NCOA2: variants seen among roughly 807,000 people sequenced by gnomAD.
The protein encoded by NCOA2 is class E basic helix-loop-helix protein 75.
NCOA2 carries 21 observed loss-of-function variants against 145.1 expected under a neutral mutation model. That is an observed-to-expected ratio of 0.14 (90% confidence interval 0.10 to 0.21). NCOA2 has a LOEUF of 0.21. Among genes scored for constraint, NCOA2 ranks in the 10% least tolerant of loss-of-function variants. NCOA2 has a pLI of 1.00. For missense variants in NCOA2, 1,472 were observed against 1,837.6 expected (o/e 0.80, Z 3.64); for synonymous variants, 619 against 637.5 (o/e 0.97, Z 0.44).
At chr8:70,454,062 T>G in the NCOA2 span, among the ~76,000 whole-genome samples, 2 of 152,220 alleles carry the variant, frequency 1.3e-5, no homozygotes, top group African/African-American at 4.8e-5. Context: ...TGGTGCCCAT[T>G]GACTAAGCCT....
intron 14 of NCOA2, among the ~76,000 whole-genome samples, chr8:70,139,640 C>T (rs936901707): frequency 2.1e-5 from 3 of 145,688 alleles, no homozygotes; most frequent in African/African-American, 7.8e-5. Flanking sequence ...ACAACGCTGG[C>T]CATCTTTTTT....
Position 70,141,317 on chromosome 8 carries a change from A to G in NCOA2, c.2895T>C (p.Cys965=), listed in dbSNP as rs1810393743. 1.2e-6 allele frequency: 2 copies of G among 1,613,852 alleles called. No homozygotes were observed. The highest frequency in any genetic ancestry group is 1.7e-6 in the Non-Finnish European group (2 of 1,179,898). Residue 965 remains cysteine, a synonymous_variant, in exon 14 of 23, where the codon TGT becomes TGC. Coordinates refer to ENST00000452400, the MANE Select transcript of NCOA2 (RefSeq NM_006540.4). ...APQSSAVRVT[C]AATTSAMNRP... ...GGTTCATGGCACTGGTGGTAGCAGC[A>G]CAGGTGACTCTCACAGCCGAACTCT... is the stretch of plus-strand genomic sequence containing the variant.
Position 70,159,243 on chromosome 8 carries a change from T to TATATATATATATATATATATATATATA in NCOA2, c.1124+261_1124+262insTATATATATATATATATATATATATAT, listed in dbSNP as rs869045939. Among the ~76,000 whole-genome samples, 12 of 82,058 alleles carry TATATATATATATATATATATATATATA rather than the reference T, an allele frequency of 1.5e-4. 4 individuals carry two copies. The highest frequency in any genetic ancestry group is 2.1e-4 in the Non-Finnish European group (9 of 43,310). 53.8% of individuals were successfully genotyped at this position (82,058 alleles called of 152,430 possible). On this transcript the variant is annotated intron_variant, in intron 10 of 22. Coordinates refer to ENST00000452400, the MANE Select transcript of NCOA2 (RefSeq NM_006540.4). ...AACATTATATATATATATATATATA[T>TATATATATATATATATATATATATATA]TTTTTTTTTTTTCCCCCAAATATTT...
chr8:70,423,196 G>GTTTTC, the NCOA2 span, among the ~76,000 whole-genome samples: 1 of 151,682 alleles, frequency 6.6e-6, no homozygotes, highest in Non-Finnish European at 1.5e-5. Context: ...GTTTTGTTTT[G>GTTTTC]TTTTGAGACA....
chr8:70,422,262 A>G, the NCOA2 span, among the ~76,000 whole-genome samples: 1 of 152,154 alleles, frequency 6.6e-6, no homozygotes. Context: ...AGATTCCTCT[A>G]AGAGAGTAAA....
chr8:70,267,084 A>G (rs1246434289), intron 2 of NCOA2, among the ~76,000 whole-genome samples: 1 of 152,200 alleles, frequency 6.6e-6, no homozygotes, highest in Non-Finnish European at 1.5e-5. Flanking sequence ...GTATATATAC[A>G]TCTATACAAG....
chr8:70,147,876 T>C (rs551534492), intron 12 of NCOA2, among the ~76,000 whole-genome samples: 8 of 152,190 alleles, frequency 5.3e-5, no homozygotes, highest in Non-Finnish European at 1.0e-4. Context: ...TATTTTTAAA[T>C]AGTGTATTAT....
chr8:70,402,942 C>A (rs1270069391), intron 1 of NCOA2, among the ~76,000 whole-genome samples: 2 of 144,284 alleles, frequency 1.4e-5, no homozygotes, highest in South Asian at 2.1e-4. Flanking sequence ...CCGCCCGCCG[C>A]AGCTCCTTCC....
chr8:70,224,047 A>G (rs1820393641), intron 2 of NCOA2, among the ~76,000 whole-genome samples: 1 of 152,222 alleles, frequency 6.6e-6, no homozygotes, highest in Non-Finnish European at 1.5e-5. Context: ...CATTTATTCA[A>G]TATATAACTA....
At chr8:70,238,390 T>C (rs1586211729) in intron 2 of NCOA2, among the ~76,000 whole-genome samples, 2 of 150,802 alleles carry the variant, frequency 1.3e-5, no homozygotes, top group African/African-American at 2.4e-5. Context: ...AATGTAAATA[T>C]TGTTCCTATT....
At chr8:70,317,481 TGA>T (rs1316767815) in intron 1 of NCOA2, among the ~76,000 whole-genome samples, 1 of 152,172 alleles carries the variant, frequency 6.6e-6, no homozygotes, top group African/African-American at 2.4e-5. Context: ...ACCTCAGATT[TGA>T]GAGATCCAAT....
intron 1 of NCOA2, among the ~76,000 whole-genome samples, chr8:70,326,881 T>A (rs1408833024): frequency 6.6e-6 from 1 of 152,202 alleles, no homozygotes; most frequent in Non-Finnish European, 1.5e-5. Flanking sequence ...GCAGAAACAG[T>A]CTTTTAAAAA....
intron 1 of NCOA2, among the ~76,000 whole-genome samples, chr8:70,403,133 G>A (rs1240103561): frequency 2.0e-5 from 3 of 150,790 alleles, no homozygotes; most frequent in Non-Finnish European, 3.0e-5. Flanking sequence ...CCCCTCGCCC[G>A]GCTCCCACTC....
At chr8:70,136,352 ACT>A (rs1379145852) in intron 15 of NCOA2, among the ~76,000 whole-genome samples, 1 of 152,126 alleles carries the variant, frequency 6.6e-6, no homozygotes, top group Non-Finnish European at 1.5e-5. Context: ...ACAAAGTGAG[ACT>A]CTGTCTCAAA....
intron 4 of NCOA2, among the ~76,000 whole-genome samples, chr8:70,201,529 A>G (rs998515777): frequency 6.6e-6 from 1 of 152,216 alleles, no homozygotes; most frequent in South Asian, 2.1e-4. Flanking sequence ...GATGGGGATG[A>G]TAAGAGGATA....
intron 1 of NCOA2, among the ~76,000 whole-genome samples, chr8:70,309,851 G>A (rs1300695762): frequency 1.3e-5 from 2 of 152,100 alleles, no homozygotes; most frequent in Non-Finnish European, 2.9e-5. Context: ...CTACTCAGGA[G>A]GCTGAGGCAG....
At chr8:70,262,715 G>C (rs1432996698) in intron 2 of NCOA2, among the ~76,000 whole-genome samples, 1 of 152,202 alleles carries the variant, frequency 6.6e-6, no homozygotes, top group African/African-American at 2.4e-5. Flanking sequence ...AAGAAGGCCT[G>C]AGAAGGCTGC....
intron 4 of NCOA2, among the ~76,000 whole-genome samples, chr8:70,188,150 G>A (rs1420479297): frequency 1.3e-5 from 2 of 152,202 alleles, no homozygotes; most frequent in South Asian, 2.1e-4. Flanking sequence ...GCCTGGACAC[G>A]AGGATGATGG....
intron 2 of NCOA2, among the ~76,000 whole-genome samples, chr8:70,258,105 T>C (rs1048713936): frequency 7.9e-5 from 12 of 152,008 alleles, no homozygotes; most frequent in Admixed American, 2.0e-4. Context: ...TTTGTACAGA[T>C]AGGATTTCAT....
Sources: allele counts gnomAD v4.1 joint callset (sites outside exome capture counted in the v4.1 genomes callset), GRCh38; gene constraint gnomAD v4.1.1; transcripts MANE v1.5; gene names NCBI Gene and HGNC (gene_info 2026-07-23, HGNC 2026-07-21).